CNTN5: variants seen among roughly 807,000 people sequenced by gnomAD.
CNTN5 encodes contactin 5.
CNTN5 carries 77 observed loss-of-function variants against 129.1 expected under a neutral mutation model. The ratio of observed to expected loss-of-function variants is 0.60; its 90% CI spans 0.50 to 0.72. The LOEUF (loss-of-function observed/expected upper bound fraction) is 0.72, where lower values mean the gene tolerates loss of function less well. Among genes scored for constraint, CNTN5 ranks in the 30% least tolerant of loss-of-function variants. CNTN5 has a pLI of 0.00. For synonymous variants in CNTN5, 509 were observed against 465.6 expected (o/e 1.09, Z -1.20); for missense variants, 1,478 against 1,328.8 (o/e 1.11, Z -1.75).
At chr11:99,772,118 A>G (rs984354082) in intron 3 of CNTN5, among the ~76,000 whole-genome samples, 7 of 151,442 alleles carry the variant, frequency 4.6e-5, no homozygotes, top group Admixed American at 3.3e-4. Context: ...GAAGAATCAC[A>G]TTGGACATTG....
chr11:99,168,762 A>G (rs539222681), intron 1 of CNTN5, among the ~76,000 whole-genome samples: 187 of 152,366 alleles, frequency 1.2e-3, no homozygotes, highest in African/African-American at 4.0e-3. Flanking sequence ...TGAATAAAAT[A>G]TATTAAAATG....
At chr11:99,477,553 TATAG>T (rs1284468817) in intron 2 of CNTN5, among the ~76,000 whole-genome samples, 1 of 152,040 alleles carries the variant, frequency 6.6e-6, no homozygotes, top group Non-Finnish European at 1.5e-5. Flanking sequence ...TATATGCGTT[TATAG>T]ACAAACATAC....
intron 21 of CNTN5, chr11:100,309,170 A>G (rs1951417176): frequency 1.0e-6 from 1 of 985,050 alleles, no homozygotes; most frequent in African/African-American, 1.7e-5. Flanking sequence ...GTCTAAAAGA[A>G]AAAAAGAATT....
intron 3 of CNTN5, among the ~76,000 whole-genome samples, chr11:99,755,146 G>T (rs1356667874): frequency 6.6e-6 from 1 of 152,112 alleles, no homozygotes; most frequent in African/African-American, 2.4e-5. Context: ...CATCTTGGTG[G>T]TTTCCAAACG....
At chr11:99,814,693 A>AG (rs1182929786) in intron 3 of CNTN5, among the ~76,000 whole-genome samples, 2 of 152,140 alleles carry the variant, frequency 1.3e-5, no homozygotes, top group East Asian at 3.9e-4. Flanking sequence ...AAATGAGAGC[A>AG]GGGTGAAAGA....
intron 3 of CNTN5, among the ~76,000 whole-genome samples, chr11:99,717,587 C>T (rs923493121): frequency 6.6e-5 from 10 of 151,762 alleles, no homozygotes; most frequent in Non-Finnish European, 7.4e-5. Flanking sequence ...ACAGGTGTTC[C>T]GAATCAAGCA....
chr11:99,494,478 G>A (rs1246913303), intron 2 of CNTN5, among the ~76,000 whole-genome samples: 2 of 152,120 alleles, frequency 1.3e-5, no homozygotes, highest in Non-Finnish European at 2.9e-5. Flanking sequence ...ACAGTTTTTA[G>A]ATATTGAATT....
At chr11:100,202,534 G>C (rs1591388009) in intron 15 of CNTN5, among the ~76,000 whole-genome samples, 1 of 149,744 alleles carries the variant, frequency 6.7e-6, no homozygotes, top group Admixed American at 6.7e-5. Flanking sequence ...ATTAAATATA[G>C]ATATATATTT....
At chr11:100,206,239 A>G (rs1029023460) in intron 15 of CNTN5, among the ~76,000 whole-genome samples, 2 of 152,140 alleles carry the variant, frequency 1.3e-5, no homozygotes, top group Non-Finnish European at 2.9e-5. Flanking sequence ...AGGAAGTACA[A>G]AAGAAAAAGA....
intron 2 of CNTN5, among the ~76,000 whole-genome samples, chr11:99,499,995 CA>C (rs1221723455): frequency 6.6e-6 from 1 of 151,756 alleles, no homozygotes; most frequent in African/African-American, 2.4e-5. Context: ...AAAAGAATGG[CA>C]AAAAAATGGC....
chr11:99,502,427 G>A (rs1028144318), intron 2 of CNTN5, among the ~76,000 whole-genome samples: 10 of 152,040 alleles, frequency 6.6e-5, no homozygotes, highest in Admixed American at 3.9e-4. Flanking sequence ...TTGGGGGGGT[G>A]GTTTCCTCCA....
At chr11:99,065,010 TA>T (rs1865043500) in intron 1 of CNTN5, among the ~76,000 whole-genome samples, 1 of 152,062 alleles carries the variant, frequency 6.6e-6, no homozygotes, top group Admixed American at 6.6e-5. Context: ...ATCTAACACT[TA>T]AAACTTAATG....
At chr11:99,115,839 A>G (rs548090840) in intron 1 of CNTN5, among the ~76,000 whole-genome samples, 5 of 152,180 alleles carry the variant, frequency 3.3e-5, no homozygotes, top group Non-Finnish European at 7.4e-5. Flanking sequence ...TGAGAAGCAA[A>G]GAAAGGAAGG....
intron 2 of CNTN5, among the ~76,000 whole-genome samples, chr11:99,401,088 G>A (rs746811333): frequency 2.6e-5 from 4 of 151,964 alleles, no homozygotes; most frequent in Non-Finnish European, 5.9e-5. Context: ...AACTTGATAT[G>A]ATCCCATTTG....
At chr11:100,286,986 A>G (rs1025987068) in intron 18 of CNTN5, among the ~76,000 whole-genome samples, 25 of 152,186 alleles carry the variant, frequency 1.6e-4, no homozygotes, top group African/African-American at 5.1e-4. Context: ...CGATGTGATC[A>G]ACTGGAAGAA....
intron 1 of CNTN5, among the ~76,000 whole-genome samples, chr11:99,111,705 A>C (rs1857804049): frequency 6.6e-6 from 1 of 152,022 alleles, no homozygotes; most frequent in South Asian, 2.1e-4. Flanking sequence ...TAAAATTCAC[A>C]TGGAAATAAA....
intron 1 of CNTN5, among the ~76,000 whole-genome samples, chr11:99,141,023 G>T (rs534782169): frequency 1.3e-5 from 2 of 152,048 alleles, no homozygotes; most frequent in Non-Finnish European, 1.5e-5. Context: ...ATGAATTAGG[G>T]AGGAGTCCAT....
At chr11:99,286,876 A>T (rs1054352138) in intron 1 of CNTN5, among the ~76,000 whole-genome samples, 1 of 152,208 alleles carries the variant, frequency 6.6e-6, no homozygotes, top group Admixed American at 6.5e-5. Context: ...TTAAAAATAT[A>T]CCACATTTTA....
rs181593831 is a variant in CNTN5 at position 99,884,955 on chromosome 11, C to T, written c.578-31099C>T. Among the ~76,000 whole-genome samples the T allele has an allele frequency of 1.6e-4, 25 of 152,102 alleles. No individual in the cohort carries two copies. In the East Asian group the frequency reaches 3.9e-3, roughly 24 times the overall value. On this transcript the variant is annotated intron_variant, in intron 6 of 24. Coordinates refer to ENST00000524871, the MANE Select transcript of CNTN5 (RefSeq NM_014361.4). ...TAGTACCACTGCACTCCACCCTCAG[C>T]GACAGAGCGACACCCCATCTCAAAA...
Sources: allele counts gnomAD v4.1 joint callset (sites outside exome capture counted in the v4.1 genomes callset), GRCh38; gene constraint gnomAD v4.1.1; transcripts MANE v1.5; gene names NCBI Gene and HGNC (gene_info 2026-07-23, HGNC 2026-07-21).